The following N4BP1 variants were observed in gnomAD, a reference collection of about 807,000 sequenced individuals.
The protein encoded by N4BP1 is NEDD4-binding protein 1.
N4BP1 carries 21 observed loss-of-function variants against 70.9 expected under a neutral mutation model. That is an observed-to-expected ratio of 0.30 (90% CI 0.21 to 0.43). The LOEUF (loss-of-function observed/expected upper bound fraction) is 0.43, where lower values mean the gene tolerates loss of function less well. Ranked by LOEUF, N4BP1 falls within the 20% of genes least tolerant of loss-of-function variation. The pLI, the probability that N4BP1 is intolerant of heterozygous loss-of-function variation, is 1.00. For missense variants in N4BP1, 936 were observed against 1,069.4 expected, an observed-to-expected ratio of 0.88 and a Z score of 1.74; for synonymous variants, 387 against 394.6, an observed-to-expected ratio of 0.98 and a Z score of 0.23.
Position 48,588,183 on chromosome 16 carries a change from A to G in N4BP1, c.198+21592T>C, listed in dbSNP as rs1251326358. On this transcript the variant is annotated intron_variant, in intron 1 of 6. Coordinates refer to ENST00000262384, the MANE Select transcript of N4BP1 (RefSeq NM_153029.4). ...CTACTGTGTGGGTGTGATATCAAGA[A>G]TAATCTCCAGATGTTATATAGAAGG... Among the ~76,000 whole-genome samples the G allele has an allele frequency of 2.0e-5, 3 of 152,312 alleles. No homozygotes were observed. The East Asian group carries it at 5.8e-4, about 29-fold the overall frequency.
At chr16:48,590,124 G>GTTGAAATATTA (rs1454858425) in intron 1 of N4BP1, among the ~76,000 whole-genome samples, 1 of 152,104 alleles carries the variant, frequency 6.6e-6, no homozygotes, top group Non-Finnish European at 1.5e-5. Context: ...AAAATTAGTG[G>GTTGAAATATTA]TTGAAATATT....
intron 4 of N4BP1, among the ~76,000 whole-genome samples, chr16:48,550,555 T>G (rs1597091486): frequency 6.6e-6 from 1 of 152,168 alleles, no homozygotes; most frequent in Non-Finnish European, 1.5e-5. Context: ...GACTAAATCT[T>G]GGTGACTCAG....
At chr16:48,569,585 T>A (rs2151091932) in intron 1 of N4BP1, among the ~76,000 whole-genome samples, 2 of 151,968 alleles carry the variant, frequency 1.3e-5, no homozygotes, top group African/African-American at 4.8e-5. Flanking sequence ...AGAGATAGGG[T>A]TTCTCCATGT....
At chr16:48,598,515 T>C (rs1179293113) in intron 1 of N4BP1, among the ~76,000 whole-genome samples, 1 of 152,146 alleles carries the variant, frequency 6.6e-6, no homozygotes, top group Non-Finnish European at 1.5e-5. Context: ...GTTATTAAGA[T>C]ACGGCATGAA....
At chr16:48,551,578 G>A (rs914786475) in intron 3 of N4BP1, 96 bp from the exon 4 acceptor site, 1 of 856,522 alleles carries the variant, frequency 1.2e-6, no homozygotes, top group Admixed American at 2.6e-5. Flanking sequence ...CACTTGGAGA[G>A]CTGTAGAAAA....
At chr16:48,566,342 G>A (rs1963944183) in intron 1 of N4BP1, among the ~76,000 whole-genome samples, 1 of 152,140 alleles carries the variant, frequency 6.6e-6, no homozygotes, top group Non-Finnish European at 1.5e-5. Flanking sequence ...ACTGGGCCCA[G>A]CCTCTTCTTT....
chr16:48,588,928 A>G (rs1402117479), intron 1 of N4BP1, among the ~76,000 whole-genome samples: 1 of 152,228 alleles, frequency 6.6e-6, no homozygotes, highest in African/African-American at 2.4e-5. Flanking sequence ...TGTGGTCCAC[A>G]AAGTCTACAA....
chr16:48,554,838 C>A (rs1225981352), intron 2 of N4BP1, among the ~76,000 whole-genome samples: 1 of 152,232 alleles, frequency 6.6e-6, no homozygotes, highest in Admixed American at 6.5e-5. Flanking sequence ...GTGAAACTAA[C>A]TTTTAAATGC....
At chr16:48,560,560 A>G in intron 2 of N4BP1, 194 bp downstream of exon 2, 2 of 599,838 alleles carry the variant, frequency 3.3e-6, no homozygotes, top group East Asian at 3.0e-5. Flanking sequence ...AGGGTGAAGT[A>G]AAGTTCATGA....
intron 1 of N4BP1, among the ~76,000 whole-genome samples, chr16:48,597,306 A>G (rs1439547561): frequency 1.3e-5 from 2 of 152,198 alleles, no homozygotes; most frequent in African/African-American, 4.8e-5. Context: ...ACCATTACTA[A>G]GACAGATTCT....
chr16:48,607,402 A>AT lies in N4BP1; in HGVS notation c.198+2372dup, dbSNP rs563957294. Among the ~76,000 whole-genome samples the AT allele has an allele frequency of 1.4e-4, 22 of 152,324 alleles. No individual in the cohort carries two copies. In the East Asian group the frequency reaches 4.2e-3, roughly 29 times the overall value. On this transcript the variant is annotated intron_variant, in intron 1 of 6. Transcript: ENST00000262384. ...AAGCTGAAAGGTGCTAAACCAGAAC[A>AT]TTGGAAAAATAAAGTGGGGTTGGAT...
In N4BP1 at chr16:48,600,200, C is replaced by G. The variant is rs1024884287; in HGVS notation, c.198+9575G>C. ...AAGTGTTATTTCTGTTTGGGCCCAT[C>G]TACCCTGGCCACGGCATGATGTTCA... is the stretch of plus-strand genomic sequence containing the variant. On this transcript the variant is annotated intron_variant, in intron 1 of 6. Coordinates refer to ENST00000262384, the MANE Select transcript of N4BP1 (RefSeq NM_153029.4). 44 of 693,266 alleles carry G rather than the reference C, an allele frequency of 6.3e-5. 1 individual carries two copies. The Admixed American group carries it at 7.2e-4, about 11-fold the overall frequency. 42.9% of individuals were successfully genotyped at this position (693,266 alleles called of 1,614,324 possible).
At chr16:48,583,397 C>T (rs2151096479) in intron 1 of N4BP1, among the ~76,000 whole-genome samples, 1 of 152,244 alleles carries the variant, frequency 6.6e-6, no homozygotes, top group South Asian at 2.1e-4. Context: ...AAGGCTGGCA[C>T]AGTTTGGGGA....
chr16:48,600,311 G>A, intron 1 of N4BP1: 1 of 1,103,170 alleles, frequency 9.1e-7, no homozygotes, highest in Non-Finnish European at 1.4e-6. Flanking sequence ...GCAAAGTTAG[G>A]TGGACCAAAG....
intron 1 of N4BP1, among the ~76,000 whole-genome samples, chr16:48,601,760 A>G (rs1442741798): frequency 3.9e-5 from 6 of 152,174 alleles, no homozygotes; most frequent in Admixed American, 3.9e-4. Flanking sequence ...CCCAGGCTGG[A>G]GTGCAGGGGT....
chr16:48,558,845 T>G (rs1963798960), intron 2 of N4BP1, among the ~76,000 whole-genome samples: 1 of 152,130 alleles, frequency 6.6e-6, no homozygotes, highest in Non-Finnish European at 1.5e-5. Flanking sequence ...AAAACCAAAG[T>G]GAAATGACAA....
chr16:48,555,191 T>C (rs1482726545), intron 2 of N4BP1, among the ~76,000 whole-genome samples: 1 of 152,204 alleles, frequency 6.6e-6, no homozygotes, highest in Admixed American at 6.5e-5. Context: ...TCCTTCCTCT[T>C]CTGAGTTCCA....
intron 5 of N4BP1, among the ~76,000 whole-genome samples, chr16:48,546,895 T>C (rs1028642594): frequency 6.6e-6 from 1 of 152,210 alleles, no homozygotes; most frequent in Non-Finnish European, 1.5e-5. Flanking sequence ...CATGCATACA[T>C]GGATGAGTGT....
chr16:48,575,629 C>G (rs924798408), intron 1 of N4BP1, among the ~76,000 whole-genome samples: 1 of 152,152 alleles, frequency 6.6e-6, no homozygotes, highest in Admixed American at 6.5e-5. Flanking sequence ...GCATCTTGTA[C>G]TTTTTAGTAT....
Sources: allele counts gnomAD v4.1 joint callset (sites outside exome capture counted in the v4.1 genomes callset), GRCh38; gene constraint gnomAD v4.1.1; transcripts MANE v1.5; gene names NCBI Gene and HGNC (gene_info 2026-07-23, HGNC 2026-07-21).